OPHN1: variants seen among roughly 807,000 people sequenced by gnomAD.
OPHN1 encodes the protein oligophrenin-1.
OPHN1 carries 11 observed loss-of-function variants against 60.7 expected under a neutral mutation model. That is an observed-to-expected ratio of 0.18 (90% CI 0.11 to 0.30). The LOEUF is 0.30. Among genes scored for constraint, OPHN1 ranks in the 10% least tolerant of loss-of-function variants. The pLI is 1.00. For missense variants in OPHN1, 449 were observed against 611.0 expected (o/e 0.73, Z 2.80); for synonymous variants, 226 against 222.6 (o/e 1.02, Z -0.14).
chrX:68,207,138 T>G (rs1050566395), intron 9 of OPHN1, among the ~76,000 whole-genome samples: 3 of 108,164 alleles, frequency 2.8e-5, no homozygotes, highest in African/African-American at 1.0e-4. Flanking sequence ...TTTAATTTTT[T>G]TTTTTTTTTT....
At chrX:68,350,343 G>A (rs902195085) in intron 2 of OPHN1, among the ~76,000 whole-genome samples, 3 of 110,493 alleles carry the variant, frequency 2.7e-5, no homozygotes, top group East Asian at 2.9e-4. Flanking sequence ...GGAAGAGCCT[G>A]CCTTTCTTTC....
At chrX:68,333,967 G>A (rs893024488) in intron 2 of OPHN1, among the ~76,000 whole-genome samples, 1 of 105,422 alleles carries the variant, frequency 9.5e-6, no homozygotes, top group East Asian at 3.0e-4. Flanking sequence ...GCATCATCTC[G>A]GCTCACTGCA....
At chrX:68,140,080 G>A (rs2077235991) in intron 15 of OPHN1, among the ~76,000 whole-genome samples, 2 of 111,979 alleles carry the variant, frequency 1.8e-5, no homozygotes, top group South Asian at 7.6e-4. Flanking sequence ...GACAAAAACA[G>A]ATGCAACGTA....
intron 3 of OPHN1, among the ~76,000 whole-genome samples, chrX:68,289,751 T>G (rs1433327128): frequency 8.9e-6 from 1 of 112,336 alleles, no homozygotes; most frequent in African/African-American, 3.2e-5. Flanking sequence ...AACCTTTATA[T>G]CCAAAGGTAG....
intron 15 of OPHN1, among the ~76,000 whole-genome samples, chrX:68,178,212 T>C (rs1011869633): frequency 2.7e-5 from 3 of 111,646 alleles, no homozygotes; most frequent in Non-Finnish European, 5.6e-5. Flanking sequence ...AACCCTTTAA[T>C]TTATTTTTTA....
chrX:68,346,540 A>G (rs1400583169), intron 2 of OPHN1, among the ~76,000 whole-genome samples: 1 of 112,346 alleles, frequency 8.9e-6, no homozygotes, highest in Non-Finnish European at 1.9e-5. Context: ...AATACAGCAA[A>G]TAGCTGAGAG....
chrX:68,337,668 G>C (rs1020796288), intron 2 of OPHN1, among the ~76,000 whole-genome samples: 1 of 108,984 alleles, frequency 9.2e-6, no homozygotes, highest in Admixed American at 1.0e-4. Flanking sequence ...TTTTTAAAGA[G>C]ACAACTATAT....
rs1448563016 is a variant in OPHN1, at chrX:68,262,089, G to T, written c.384+12649C>A. On this transcript the variant is annotated intron_variant, in intron 5 of 24. Coordinates refer to ENST00000355520, the MANE Select transcript of OPHN1 (RefSeq NM_002547.3). The stretch of plus-strand genomic sequence containing the variant: ...ATAACAGAAGTAAGCAGTACAAGAA[G>T]TAAAATGGTCTTATAATTATCAAAG... Among the ~76,000 whole-genome samples, 27 of 111,785 alleles carry T rather than the reference G, an allele frequency of 2.4e-4. No homozygotes were observed. The Admixed American group carries it at 2.6e-3, about 11-fold the overall frequency.
intron 5 of OPHN1, among the ~76,000 whole-genome samples, chrX:68,258,963 T>C (rs2147561883): frequency 8.9e-6 from 1 of 112,290 alleles, no homozygotes; most frequent in African/African-American, 3.2e-5. Context: ...TGAGTGATGA[T>C]ATAAATTGAC....
At chrX:68,359,922 T>A (rs774366575) in intron 2 of OPHN1, among the ~76,000 whole-genome samples, 56 of 107,167 alleles carry the variant, frequency 5.2e-4, no homozygotes, top group African/African-American at 1.9e-3. Context: ...ATGCCTAAGT[T>A]CAAATCACCA....
At chrX:68,264,692 G>C (rs1019410654) in intron 5 of OPHN1, among the ~76,000 whole-genome samples, 1 of 112,101 alleles carries the variant, frequency 8.9e-6, no homozygotes, top group Non-Finnish European at 1.9e-5. Flanking sequence ...AGGACAGTGG[G>C]TGCAGTGCAC....
intron 4 of OPHN1, among the ~76,000 whole-genome samples, chrX:68,280,740 A>G (rs2078015792): frequency 9.0e-6 from 1 of 111,571 alleles, no homozygotes; most frequent in African/African-American, 3.3e-5. Context: ...GGATGGGTAC[A>G]AGGACCAGTA....
At chrX:68,412,931 G>A (rs1714008907) in intron 2 of OPHN1, among the ~76,000 whole-genome samples, 1 of 111,354 alleles carries the variant, frequency 9.0e-6, no homozygotes, top group Non-Finnish European at 1.9e-5. Flanking sequence ...ATTTATATCA[G>A]TTTCAGAAGC....
chrX:68,128,297 C>G (rs746613268), intron 15 of OPHN1, among the ~76,000 whole-genome samples: 1 of 111,114 alleles, frequency 9.0e-6, no homozygotes, highest in Admixed American at 9.6e-5. Flanking sequence ...TCAGGCGATC[C>G]TCTCGCATTG....
chrX:68,342,827 G>A (rs1171507795), intron 2 of OPHN1, among the ~76,000 whole-genome samples: 1 of 111,371 alleles, frequency 9.0e-6, no homozygotes, highest in Non-Finnish European at 1.9e-5. Context: ...TGTAGTCCCA[G>A]CTACTCAGGA....
intron 5 of OPHN1, among the ~76,000 whole-genome samples, chrX:68,237,139 C>G (rs1256959993): frequency 8.9e-6 from 1 of 111,809 alleles, no homozygotes; most frequent in Non-Finnish European, 1.9e-5. Context: ...GCATGTGCCA[C>G]TACACCCAGC....
intron 19 of OPHN1, among the ~76,000 whole-genome samples, chrX:68,075,925 A>T (rs2076952130): frequency 9.0e-6 from 1 of 110,671 alleles, no homozygotes; most frequent in Admixed American, 9.7e-5. Context: ...AGCCAAAGAT[A>T]TCTTAGATAC....
intron 6 of OPHN1, among the ~76,000 whole-genome samples, chrX:68,215,331 A>G (rs1408779618): frequency 9.0e-6 from 1 of 111,607 alleles, no homozygotes; most frequent in Non-Finnish European, 1.9e-5. Context: ...GAACTGGTGA[A>G]CAATTACAAA....
rs1475607864 is a variant in OPHN1 at position 68,259,758 on chromosome X, G to A, written c.384+14980C>T. On this transcript the variant is annotated intron_variant, in intron 5 of 24. Transcript: ENST00000355520. ...AAGAGCCAAGATGCAAACCCAGGTA[G>A]TCTGGCTCCAGAGTCCACTGTCTTA... 4.5e-5 allele frequency among the ~76,000 whole-genome samples: 5 copies of A among 111,571 alleles called. No individual in the cohort carries two copies. In the East Asian group the frequency reaches 1.4e-3, roughly 31 times the overall value.
Sources: gnomAD v4.1 joint callset for allele counts (sites outside exome capture counted in the v4.1 genomes callset) on GRCh38, gnomAD v4.1.1 for gene constraint, MANE v1.5 for transcripts, NCBI Gene and HGNC (gene_info 2026-07-23, HGNC 2026-07-21) for gene names.